Variants in FRAS1 observed in about 807,000 individuals in gnomAD.
FRAS1 encodes the protein extracellular matrix organizing protein FRAS1.
A neutral mutation model predicts 435.2 loss-of-function variants in FRAS1; 290 were observed. The ratio of observed to expected loss-of-function variants is 0.67; its 90% confidence interval spans 0.61 to 0.73. The LOEUF is 0.73. Ranked by LOEUF, FRAS1 falls within the 30% of genes least tolerant of loss-of-function variation. The pLI is 0.00. For missense variants in FRAS1, 4,860 were observed against 5,001.5 expected (o/e 0.97, Z 0.85); for synonymous variants, 1,800 against 1,851.0 (o/e 0.97, Z 0.71).
rs1039010708 is a variant in FRAS1, at chr4:78,543,846, A to G, written c.*2722A>G. On this transcript the variant is annotated 3_prime_UTR_variant, in exon 74 of 74. Transcript: ENST00000512123. ...CTTGTGTGTGTTTTACTAACCTTTT[A>G]TATCTTGCCTTCAAGTGAGAAGGAA... is the stretch of plus-strand genomic sequence containing the variant. The G allele has an allele frequency of 6.6e-6, 1 of 152,244 alleles. No homozygotes were observed. Among genetic ancestry groups the G allele is most frequent in the Non-Finnish European group, 1.5e-5 (1 of 68,010 alleles). The allele number at this position is 152,244 out of a possible 1,614,324, so 9.4% of individuals were successfully genotyped here. A position where few individuals can be genotyped will look rare whatever the true frequency, so the allele number is the denominator to read the frequency against.
chr4:78,176,447 C>G (rs1721781175), intron 2 of FRAS1, among the ~76,000 whole-genome samples: 1 of 152,216 alleles, frequency 6.6e-6, no homozygotes, highest in Non-Finnish European at 1.5e-5. Context: ...CAGAAATCAA[C>G]TCACTGTTCC....
chr4:78,284,163 G>C (rs1357022967), intron 12 of FRAS1, among the ~76,000 whole-genome samples: 1 of 150,966 alleles, frequency 6.6e-6, no homozygotes, highest in Admixed American at 6.6e-5. Context: ...CTTCATGCTG[G>C]GGCTATGGGA....
chr4:78,453,344 A>G (rs1377251500), intron 47 of FRAS1, among the ~76,000 whole-genome samples: 3 of 152,216 alleles, frequency 2.0e-5, no homozygotes, highest in African/African-American at 7.2e-5. Context: ...CCATGAGAAT[A>G]GTAAGATGAG....
At chr4:78,121,060 C>T (rs1048867210) in intron 2 of FRAS1, among the ~76,000 whole-genome samples, 12 of 152,156 alleles carry the variant, frequency 7.9e-5, no homozygotes, top group Non-Finnish European at 1.3e-4. Context: ...CTCTGGGCTA[C>T]CAGGTCTCTC....
chr4:78,478,091 TA>T (rs1378789569), intron 55 of FRAS1, 30 bp downstream of exon 55: 1 of 1,538,024 alleles, frequency 6.5e-7, no homozygotes, highest in Admixed American at 2.0e-5. Context: ...GACAAAGAGC[TA>T]TAATAATTGC....
At chr4:78,268,810 T>G (rs1726501685) in intron 9 of FRAS1, among the ~76,000 whole-genome samples, 1 of 152,198 alleles carries the variant, frequency 6.6e-6, no homozygotes, top group Non-Finnish European at 1.5e-5. Flanking sequence ...TGGCTATTCT[T>G]AGGGAATATG....
chr4:78,192,434 T>A lies in FRAS1; in HGVS notation c.109-45076T>A, dbSNP rs1203131886. On this transcript the variant is annotated intron_variant, in intron 2 of 73. Transcript: ENST00000512123. ...TTTTTGGATAGTAAGCTATTAATTA[T>A]TGCCTCAATTTCAGAGCCTGTTATT... Among the ~76,000 whole-genome samples the A allele has an allele frequency of 3.9e-5, 6 of 152,342 alleles. No homozygotes were observed. In the East Asian group the frequency reaches 1.2e-3, roughly 29 times the overall value.
chr4:78,450,320 C>T lies in FRAS1; in HGVS notation c.6444C>T (p.Thr2148=), dbSNP rs17003235. 334,292 of 1,613,304 alleles carry T rather than the reference C, an allele frequency of 0.21. 37,849 individuals carry two copies. Among genetic ancestry groups the T allele is most frequent in the African/African-American group, 0.28 (20,885 of 74,894 alleles). Residue 2148 remains threonine, a synonymous_variant, in exon 45 of 74, where the codon ACC becomes ACT. Coordinates refer to ENST00000512123, the MANE Select transcript of FRAS1 (RefSeq NM_025074.7). ...ISIKGPIRSF[T]QADISQGHVE... The stretch of plus-strand genomic sequence containing the variant: ...TTAAAGGCCCCATCCGAAGTTTCAC[C>T]CAGGCAGACATTAGCCAAGGTCAGC...
chr4:78,218,134 A>ACACACACAC (rs1471926143), intron 2 of FRAS1, among the ~76,000 whole-genome samples: 77 of 126,796 alleles, frequency 6.1e-4, no homozygotes, highest in South Asian at 1.2e-3. Flanking sequence ...ACACACACAC[A>ACACACACAC]AGTTGTATTT....
At chr4:78,285,663 C>T (rs1727554896) in intron 13 of FRAS1, among the ~76,000 whole-genome samples, 1 of 152,026 alleles carries the variant, frequency 6.6e-6, no homozygotes, top group Non-Finnish European at 1.5e-5. Context: ...AACTCCTGGA[C>T]TCAAGTGATC....
intron 30 of FRAS1, among the ~76,000 whole-genome samples, chr4:78,402,088 T>C (rs1732916063): frequency 6.6e-6 from 1 of 151,016 alleles, no homozygotes; most frequent in South Asian, 2.1e-4. Context: ...AATAAGCAGA[T>C]TTAAAATGAT....
intron 62 of FRAS1, among the ~76,000 whole-genome samples, chr4:78,507,809 G>A (rs28651081): frequency 0.33 from 49,995 of 151,910 alleles, 8,959 homozygotes; most frequent in South Asian, 0.52. Context: ...GTCACACCAG[G>A]TGCTACTAGT....
At chr4:78,357,287 A>C (rs1730892314) in intron 20 of FRAS1, among the ~76,000 whole-genome samples, 3 of 152,160 alleles carry the variant, frequency 2.0e-5, no homozygotes, top group Admixed American at 2.0e-4. Context: ...CGTTTGTAAC[A>C]GTCTCATGCC....
In FRAS1 at chr4:78,472,241, A is replaced by T. The variant is rs375485032; in HGVS notation, c.7433A>T (p.Gln2478Leu). Residue 2478 changes from glutamine to leucine, a missense_variant, in exon 52 of 74, where the codon CAG (glutamine) becomes CTG (leucine). Gln to Leu is a moderately radical substitution (Grantham distance 113, BLOSUM62 -2). Coordinates refer to ENST00000512123, the MANE Select transcript of FRAS1 (RefSeq NM_025074.7). ...LTMDPDTEDA[Q>L]LVYEITTGPK... ...ATGGACCCAGACACCGAGGACGCGCAGCTTGTCTATGAGATAACGACGGGC... is the reference window on the plus strand; with the variant it reads ...ATGGACCCAGACACCGAGGACGCGCTGCTTGTCTATGAGATAACGACGGGC... 10 of 1,613,836 alleles carry T rather than the reference A, an allele frequency of 6.2e-6. No homozygotes were observed. In the African/African-American group the frequency reaches 9.3e-5, roughly 15 times the overall value.
chr4:78,257,361 T>A (rs1725843106), intron 6 of FRAS1, among the ~76,000 whole-genome samples: 2 of 152,290 alleles, frequency 1.3e-5, no homozygotes, highest in South Asian at 2.1e-4. Context: ...CTTTTGCACC[T>A]GCCTAATAAT....
At chr4:78,292,874 A>G (rs1164638012) in intron 14 of FRAS1, among the ~76,000 whole-genome samples, 1 of 151,558 alleles carries the variant, frequency 6.6e-6, no homozygotes, top group Non-Finnish European at 1.5e-5. Context: ...ATTTTGTTCT[A>G]CTCTTTAAAT....
At chr4:78,197,870 G>C (rs560718614) in intron 2 of FRAS1, among the ~76,000 whole-genome samples, 1 of 151,886 alleles carries the variant, frequency 6.6e-6, no homozygotes, top group South Asian at 2.1e-4. Flanking sequence ...GAACCCAGGA[G>C]GTGGAGCTTG....
chr4:78,516,429 A>T (rs1194566570), intron 66 of FRAS1, among the ~76,000 whole-genome samples: 1 of 152,218 alleles, frequency 6.6e-6, no homozygotes, highest in Non-Finnish European at 1.5e-5. Flanking sequence ...AGATAAGAAG[A>T]GCTCTGTTGT....
chr4:78,117,157 G>A (rs949962417), intron 2 of FRAS1, among the ~76,000 whole-genome samples: 1 of 152,116 alleles, frequency 6.6e-6, no homozygotes, highest in Admixed American at 6.6e-5. Flanking sequence ...TTGAATATTG[G>A]CCCCCACTCT....
Sources: gnomAD v4.1 joint callset for allele counts (sites outside exome capture counted in the v4.1 genomes callset) on GRCh38, gnomAD v4.1.1 for gene constraint, MANE v1.5 for transcripts, NCBI Gene and HGNC (gene_info 2026-07-23, HGNC 2026-07-21) for gene names.